The following TEX2 variants were observed in gnomAD, a reference collection of about 807,000 sequenced individuals.
The protein encoded by TEX2 is testis-expressed protein 2.
In TEX2, 53 loss-of-function variants were observed where a neutral mutation model predicts 106.9. The observed-to-expected ratio is 0.50, with a 90% CI of 0.40 to 0.62. The LOEUF (loss-of-function observed/expected upper bound fraction) is 0.62. Ranked by LOEUF, TEX2 falls within the 20% of genes least tolerant of loss-of-function variation. The pLI is 0.00. For synonymous variants in TEX2, 523 were observed against 534.8 expected, an observed-to-expected ratio of 0.98 and a Z score of 0.30; for missense variants, 1,207 against 1,379.0, an observed-to-expected ratio of 0.88 and a Z score of 1.98.
In TEX2 at chr17:64,227,518, T is replaced by C. The variant is rs539998784; in HGVS notation, c.-25-13276A>G. Reference sequence around the variant, plus strand: ...TTATATGTAAACACATGTCAATCTTTTAAAAATTATTATAATCATTATCTT... The same window carrying C: ...TTATATGTAAACACATGTCAATCTTCTAAAAATTATTATAATCATTATCTT... On this transcript the variant is annotated intron_variant, in intron 1 of 11. Coordinates refer to ENST00000584379, the MANE Select transcript of TEX2 (RefSeq NM_001288732.2). Among the ~76,000 whole-genome samples, 28 of 152,360 alleles carry C rather than the reference T, an allele frequency of 1.8e-4. No homozygotes were observed. In the South Asian group the frequency reaches 5.2e-3, roughly 28 times the overall value.
At chr17:64,199,261 G>T (rs1386520899) in intron 2 of TEX2, among the ~76,000 whole-genome samples, 1 of 152,016 alleles carries the variant, frequency 6.6e-6, no homozygotes, top group Non-Finnish European at 1.5e-5. Flanking sequence ...TTTTGAGATG[G>T]AGTCTCGCTC....
intron 3 of TEX2, among the ~76,000 whole-genome samples, chr17:64,194,248 AAGAT>A (rs1158414580): frequency 1.3e-5 from 2 of 152,238 alleles, no homozygotes; most frequent in Non-Finnish European, 2.9e-5. Context: ...AAGAAAAAAA[AAGAT>A]AGCTAAAATC....
At chr17:64,238,665 AACTC>A (rs1227813155) in intron 1 of TEX2, among the ~76,000 whole-genome samples, 2 of 152,192 alleles carry the variant, frequency 1.3e-5, no homozygotes, top group African/African-American at 2.4e-5. Context: ...CTCTTGTGAG[AACTC>A]ACTCACTATC....
intron 7 of TEX2, among the ~76,000 whole-genome samples, chr17:64,170,393 G>C (rs2031328802): frequency 6.6e-6 from 1 of 152,194 alleles, no homozygotes; most frequent in African/African-American, 2.4e-5. Flanking sequence ...CATGTGAGGA[G>C]AGGCAGCTCC....
At chr17:64,250,014 C>T (rs2034061078) in intron 1 of TEX2, among the ~76,000 whole-genome samples, 1 of 152,236 alleles carries the variant, frequency 6.6e-6, no homozygotes, top group African/African-American at 2.4e-5. Context: ...CACGGGTTTT[C>T]AGCTACTGAC....
intron 1 of TEX2, among the ~76,000 whole-genome samples, chr17:64,221,844 A>G (rs1207486483): frequency 6.6e-6 from 1 of 152,242 alleles, no homozygotes; most frequent in African/African-American, 2.4e-5. Flanking sequence ...AAAAGGAAGG[A>G]AATCCTGTCA....
intron 4 of TEX2, among the ~76,000 whole-genome samples, chr17:64,193,259 A>T (rs1337973081): frequency 6.6e-6 from 1 of 152,228 alleles, no homozygotes; most frequent in African/African-American, 2.4e-5. Flanking sequence ...TCTCAGAACC[A>T]GGGTTTTTCT....
rs1555631828 is a variant in TEX2, at chr17:64,212,933, C to T, written c.1285G>A (p.Glu429Lys). ...CELYTEDFDL[E>K]TEGESKVDKL... ...TCAACTTTACTCTCCCCCTCCGTTT[C>T]CAAATCGAAGTCCTCAGTGTACAGT... Residue 429 changes from glutamate to lysine, a missense_variant, in exon 2 of 12, where the codon GAA (glutamate) becomes AAA (lysine). Transcript: ENST00000584379. 1.2e-6 allele frequency: 2 copies of T among 1,614,216 alleles called. No individual in the cohort carries two copies. The highest frequency in any genetic ancestry group is 1.7e-5 in the Admixed American group (1 of 60,026).
At chr17:64,196,161 C>A (rs545494051) in intron 2 of TEX2, among the ~76,000 whole-genome samples, 1 of 152,358 alleles carries the variant, frequency 6.6e-6, no homozygotes, top group Non-Finnish European at 1.5e-5. Context: ...TTCTTTCATT[C>A]ATCCTTTTAT....
At chr17:64,246,679 A>G (rs1402023679) in intron 1 of TEX2, among the ~76,000 whole-genome samples, 1 of 152,238 alleles carries the variant, frequency 6.6e-6, no homozygotes, top group Non-Finnish European at 1.5e-5. Context: ...CAGGACACAC[A>G]TGATGTTCAT....
At chr17:64,233,874 G>C (rs2143336669) in intron 1 of TEX2, among the ~76,000 whole-genome samples, 1 of 152,290 alleles carries the variant, frequency 6.6e-6, no homozygotes, top group African/African-American at 2.4e-5. Flanking sequence ...ACCATGTCCT[G>C]CTCCTGATCT....
At chr17:64,226,626 C>G (rs2033511711) in intron 1 of TEX2, among the ~76,000 whole-genome samples, 1 of 151,980 alleles carries the variant, frequency 6.6e-6, no homozygotes, top group Non-Finnish European at 1.5e-5. Flanking sequence ...GTTCAAATGG[C>G]CAAGAAACAA....
chr17:64,179,452 A>G (rs12602053), intron 5 of TEX2, among the ~76,000 whole-genome samples: 108,152 of 152,022 alleles, frequency 0.71, 38,566 homozygotes, highest in East Asian at 0.83. Context: ...GTGCCCTTAC[A>G]CAGTGTGGAA....
rs2032806421 is a variant in TEX2, at chr17:64,205,631, C to G, written c.1644+6943G>C. ...AGATTAAATTTACAAATTGGAATTT[C>G]TCCTCAAAATTGATCATGTCCTCCC... On this transcript the variant is annotated intron_variant, in intron 2 of 11. Transcript: ENST00000584379. This position sits in a 1 kb window ranked among gnomAD's most constrained non-coding sequence, Gnocchi z 4.0. 6.6e-6 allele frequency among the ~76,000 whole-genome samples: 1 copy of G among 152,088 alleles called. No homozygotes were observed.
chr17:64,204,421 T>G (rs185243256), intron 2 of TEX2, among the ~76,000 whole-genome samples: 1 of 152,336 alleles, frequency 6.6e-6, no homozygotes, highest in African/African-American at 2.4e-5. Context: ...AATCTGTATT[T>G]CAGAGTCTTA....
intron 2 of TEX2, among the ~76,000 whole-genome samples, chr17:64,211,906 G>A (rs2143056204): frequency 6.6e-6 from 1 of 152,342 alleles, no homozygotes; most frequent in African/African-American, 2.4e-5. Flanking sequence ...CAGCACTTTG[G>A]AAGGCTGAAG....
At chr17:64,245,379 C>T (rs948348974) in intron 1 of TEX2, among the ~76,000 whole-genome samples, 8 of 152,146 alleles carry the variant, frequency 5.3e-5, no homozygotes, top group African/African-American at 1.9e-4. Context: ...AAAGCACATA[C>T]AGAGCAGAGA....
At chr17:64,218,735 C>T (rs1398364246) in intron 1 of TEX2, among the ~76,000 whole-genome samples, 2 of 152,188 alleles carry the variant, frequency 1.3e-5, no homozygotes, top group South Asian at 2.1e-4. Context: ...CTTTAACAGC[C>T]TCCTGAGCAG....
intron 2 of TEX2, among the ~76,000 whole-genome samples, chr17:64,196,465 T>C (rs991409252): frequency 6.6e-6 from 1 of 152,182 alleles, no homozygotes; most frequent in African/African-American, 2.4e-5. Flanking sequence ...AGTAGATGTT[T>C]TGGCCTGAGC....
Sources: allele counts gnomAD v4.1 joint callset (sites outside exome capture counted in the v4.1 genomes callset), GRCh38; gene constraint gnomAD v4.1.1; non-coding constraint Gnocchi (gnomAD v3.1); transcripts MANE v1.5; gene names NCBI Gene and HGNC (gene_info 2026-07-23, HGNC 2026-07-21).